Variants in VTI1B observed in about 807,000 individuals in gnomAD.
VTI1B encodes the protein vesicle transport through interaction with t-SNAREs homolog 1B.
Under a neutral mutation model 28.6 loss-of-function variants are expected in VTI1B, and 18 were observed. That is an observed-to-expected ratio of 0.63 (90% CI 0.43 to 0.93). The LOEUF (loss-of-function observed/expected upper bound fraction) is 0.93, where lower values mean the gene tolerates loss of function less well. VTI1B is among the 40% of genes least tolerant of loss of function. The pLI is 0.00. For synonymous variants in VTI1B, 100 were observed against 107.9 expected (o/e 0.93, Z 0.46); for missense variants, 283 against 297.0 (o/e 0.95, Z 0.35).
intron 5 of VTI1B, among the ~76,000 whole-genome samples, chr14:67,651,943 G>A (rs999250150): frequency 1.3e-5 from 2 of 152,168 alleles, no homozygotes; most frequent in Non-Finnish European, 2.9e-5. Flanking sequence ...TATAAAGGTA[G>A]TATAGGAGCT....
chr14:67,658,209 C>CT (rs71129844), intron 3 of VTI1B, among the ~76,000 whole-genome samples: 16,604 of 152,150 alleles, frequency 0.11, 1,319 homozygotes, highest in South Asian at 0.33. Flanking sequence ...TAAAAAATGA[C>CT]TAAGAAAAGA....
rs2140783694 is a variant in VTI1B at position 67,647,640 on chromosome 14, T to C, written c.*3745A>G. On this transcript the variant is annotated 3_prime_UTR_variant, in exon 6 of 6. Transcript: ENST00000554659. ...TACGTTCAGAGAATAAGAGCAACCA[T>C]AACTTACATCAAGCCAATTTAAATT... The C allele has an allele frequency of 6.3e-6, 1 of 158,992 alleles. No homozygotes were observed. The highest frequency in any genetic ancestry group is 1.4e-5 in the Non-Finnish European group (1 of 72,768). The allele number at this position is 158,992 out of a possible 1,614,324, so 9.8% of individuals were successfully genotyped here.
rs545538038 is a variant in VTI1B, at chr14:67,656,280, G to A, written c.540+136C>T. 60 of 801,242 alleles carry A rather than the reference G, an allele frequency of 7.5e-5. 1 individual carries two copies. In the African/African-American group the frequency reaches 1.0e-3, roughly 14 times the overall value. 49.6% of individuals were successfully genotyped at this position (801,242 alleles called of 1,614,324 possible). On this transcript the variant is annotated intron_variant, in intron 4 of 5. Coordinates refer to ENST00000554659, the MANE Select transcript of VTI1B (RefSeq NM_006370.3). ...AAAAAAATTAATAAATAAAAATTGA[G>A]AAAAGCATAAGAACTTAAAAAAGAC...
intron 1 of VTI1B, among the ~76,000 whole-genome samples, chr14:67,669,030 A>G (rs552090616): frequency 3.9e-5 from 6 of 152,294 alleles, no homozygotes; most frequent in African/African-American, 1.4e-4. Context: ...TAGTAGCTCT[A>G]TTATCAGGCA....
intron 5 of VTI1B, chr14:67,651,695 C>A: frequency 1.2e-5 from 5 of 404,346 alleles, no homozygotes; most frequent in Non-Finnish European, 1.7e-5. Flanking sequence ...ACAATAAAAA[C>A]CAAAGCATAA....
At position 67,647,923 on chromosome 14, in the gene VTI1B, TA is replaced by T. The variant is rs750021775; in HGVS notation, c.*3461del. Reference sequence around the variant, plus strand: ...AAGCCTGGAAATGTATTAACAGCTTTATTAACAAAGTACTAGGACTAATAGC... The same window carrying T: ...AAGCCTGGAAATGTATTAACAGCTTTTTAACAAAGTACTAGGACTAATAGC... On this transcript the variant is annotated 3_prime_UTR_variant, in exon 6 of 6. Transcript: ENST00000554659. 58 of 946,076 alleles carry T rather than the reference TA, an allele frequency of 6.1e-5. No individual in the cohort carries two copies. The highest frequency in any genetic ancestry group is 7.5e-5 in the Non-Finnish European group (49 of 650,066). 58.6% of individuals were successfully genotyped at this position (946,076 alleles called of 1,614,324 possible).
intron 1 of VTI1B, among the ~76,000 whole-genome samples, chr14:67,667,623 G>A (rs2037417140): frequency 6.6e-6 from 1 of 152,156 alleles, no homozygotes; most frequent in South Asian, 2.1e-4. Context: ...AAGAACCTAA[G>A]AGCAAAAACC....
chr14:67,647,414 T>G lies in VTI1B; in HGVS notation c.*3971A>C, dbSNP rs1488502335. On this transcript the variant is annotated 3_prime_UTR_variant, in exon 6 of 6. Transcript: ENST00000554659. The stretch of plus-strand genomic sequence containing the variant: ...CAGATGAATACTAATCAAATGGTAA[T>G]TTTAAGAGCATTTTCCCAATACCAA... 6.0e-6 allele frequency: 1 copy of G among 166,292 alleles called. No individual in the cohort carries two copies. Among genetic ancestry groups the G allele is most frequent in the East Asian group, 1.8e-4 (1 of 5,696 alleles). The allele number at this position is 166,292 out of a possible 1,614,324, so 10.3% of individuals were successfully genotyped here.
chr14:67,651,686 CA>C, intron 5 of VTI1B: 1 of 420,962 alleles, frequency 2.4e-6, no homozygotes. Flanking sequence ...TAAACTGAGA[CA>C]ATAAAAACCA....
chr14:67,661,127 C>T (rs1345995662), intron 2 of VTI1B, among the ~76,000 whole-genome samples: 1 of 151,968 alleles, frequency 6.6e-6, no homozygotes, highest in African/African-American at 2.4e-5. Flanking sequence ...AGAATTTTTT[C>T]TCCATCTGCT....
chr14:67,653,902 G>A (rs1566810339), intron 4 of VTI1B, among the ~76,000 whole-genome samples: 1 of 152,206 alleles, frequency 6.6e-6, no homozygotes, highest in African/African-American at 2.4e-5. Context: ...AGGCTGGTCT[G>A]TTACTGCTTT....
intron 1 of VTI1B, among the ~76,000 whole-genome samples, chr14:67,662,856 T>C (rs1223872319): frequency 6.7e-6 from 1 of 148,564 alleles, no homozygotes; most frequent in African/African-American, 2.5e-5. Context: ...TGAGCCGAGA[T>C]TGCGCCATTG....
chr14:67,651,281 G>A lies in VTI1B; in HGVS notation c.*104C>T. ...CAGCCTGGCTATACAGTGCATCCTT[G>A]AACTGTCAGCCCACAGCAGCAATAT... is the stretch of plus-strand genomic sequence containing the variant. On this transcript the variant is annotated 3_prime_UTR_variant, in exon 6 of 6. Coordinates refer to ENST00000554659, the MANE Select transcript of VTI1B (RefSeq NM_006370.3). 2 of 1,596,068 alleles carry A rather than the reference G, an allele frequency of 1.3e-6. No individual in the cohort carries two copies. Among genetic ancestry groups the A allele is most frequent in the South Asian group, 2.3e-5 (2 of 88,778 alleles).
At chr14:67,667,015 C>T (rs2037409596) in intron 1 of VTI1B, among the ~76,000 whole-genome samples, 1 of 152,138 alleles carries the variant, frequency 6.6e-6, no homozygotes, top group Non-Finnish European at 1.5e-5. Flanking sequence ...GCACCATGAA[C>T]AAGAATGAAC....
chr14:67,667,797 AG>A (rs2037419216), intron 1 of VTI1B, among the ~76,000 whole-genome samples: 1 of 152,074 alleles, frequency 6.6e-6, no homozygotes, highest in Non-Finnish European at 1.5e-5. Flanking sequence ...ACAAAAACTT[AG>A]CCCGGCGTGG....
intron 3 of VTI1B, among the ~76,000 whole-genome samples, chr14:67,657,690 C>T (rs1185672336): frequency 1.3e-5 from 2 of 151,798 alleles, no homozygotes; most frequent in African/African-American, 4.8e-5. Flanking sequence ...GCAGTAGGAC[C>T]ATCAAGGAGC....
chr14:67,656,401 T>C lies in VTI1B; in HGVS notation c.540+15A>G, dbSNP rs1230104122. 2 of 1,574,344 alleles carry C rather than the reference T, an allele frequency of 1.3e-6. No homozygotes were observed. Among genetic ancestry groups the C allele is most frequent in the Non-Finnish European group, 1.7e-6 (2 of 1,156,810 alleles). ...TACCCCATACTTGCCCCTTTCCCTGTCTGCCCAGACTTACTCTACTCTTGG... is the reference window on the plus strand; with the variant it reads ...TACCCCATACTTGCCCCTTTCCCTGCCTGCCCAGACTTACTCTACTCTTGG... On this transcript the variant is annotated intron_variant, in intron 4 of 5. Coordinates refer to ENST00000554659, the MANE Select transcript of VTI1B (RefSeq NM_006370.3).
rs181381004 is a variant in VTI1B at position 67,666,658 on chromosome 14, G to T, written c.116-4123C>A. Among the ~76,000 whole-genome samples, 165 of 152,286 alleles carry T rather than the reference G, an allele frequency of 1.1e-3. 2 individuals are homozygous for T. The highest frequency in any genetic ancestry group is 4.3e-4 in the Non-Finnish European group (29 of 68,020). On this transcript the variant is annotated intron_variant, in intron 1 of 5. Transcript: ENST00000554659. ...AATTATGAAACCAATGAATGCTAGA[G>T]CTAGGATGTACCTCAGCGATCATCT...
chr14:67,672,734 T>C (rs1383890063), intron 1 of VTI1B, among the ~76,000 whole-genome samples: 1 of 152,172 alleles, frequency 6.6e-6, no homozygotes, highest in Non-Finnish European at 1.5e-5. Flanking sequence ...TGAGCCACCG[T>C]ACCCTGCCTG....
Sources: gnomAD v4.1 joint callset for allele counts (sites outside exome capture counted in the v4.1 genomes callset) on GRCh38, gnomAD v4.1.1 for gene constraint, MANE v1.5 for transcripts, NCBI Gene and HGNC (gene_info 2026-07-23, HGNC 2026-07-21) for gene names.